The following DNAAF11 variants were observed in gnomAD, a reference collection of about 807,000 sequenced individuals.
The protein encoded by DNAAF11 is dynein axonemal assembly factor 11, also known as leucine rich repeat containing 6.
In DNAAF11, 45 loss-of-function variants were observed where a neutral mutation model predicts 60.8. That is an observed-to-expected ratio of 0.74 (90% CI 0.58 to 0.95). DNAAF11 has a LOEUF of 0.95. Ranked by LOEUF, DNAAF11 falls within the 40% of genes least tolerant of loss-of-function variation. DNAAF11 has a pLI of 0.00. For missense variants in DNAAF11, 546 were observed against 546.2 expected (o/e 1.00, Z 0.00); for synonymous variants, 191 against 183.5 (o/e 1.04, Z -0.33).
At chr8:132,604,040 A>G (rs955381796) in intron 10 of DNAAF11, among the ~76,000 whole-genome samples, 1 of 152,164 alleles carries the variant, frequency 6.6e-6, no homozygotes, top group African/African-American at 2.4e-5. Context: ...TGTGGAAATT[A>G]TCTTTTGAGG....
chr8:132,701,332 G>A, the DNAAF11 span, among the ~76,000 whole-genome samples: 1 of 152,202 alleles, frequency 6.6e-6, no homozygotes, highest in Non-Finnish European at 1.5e-5. Context: ...GAGGCACTGG[G>A]AATAGAGTAA....
intron 2 of DNAAF11, among the ~76,000 whole-genome samples, chr8:132,657,362 T>C (rs2130783093): frequency 6.6e-6 from 1 of 152,330 alleles, no homozygotes; most frequent in South Asian, 2.1e-4. Context: ...CTCTTTTTCC[T>C]GCTGGATGTT....
the DNAAF11 span, among the ~76,000 whole-genome samples, chr8:132,685,292 T>C: frequency 1.3e-5 from 2 of 152,222 alleles, no homozygotes; most frequent in Admixed American, 6.5e-5. Flanking sequence ...TGAATAGGGA[T>C]GTGAGTACAT....
chr8:132,584,056 G>T lies in DNAAF11; in HGVS notation c.1141-277C>A, dbSNP rs112816402. Among the ~76,000 whole-genome samples, 603 of 152,056 alleles carry T rather than the reference G, an allele frequency of 4.0e-3. 11 individuals are homozygous for T. Among genetic ancestry groups the T allele is most frequent in the African/African-American group, 0.014 (582 of 41,484 alleles). On this transcript the variant is annotated intron_variant, in intron 10 of 11. Transcript: ENST00000620350. ...ATTAATGTATTTAACAAATATTATCGACAAGACAACAACATGCCAGATACT... is the reference window on the plus strand; with the variant it reads ...ATTAATGTATTTAACAAATATTATCTACAAGACAACAACATGCCAGATACT...
chr8:132,675,577 C>A, upstream of DNAAF11: 2 of 1,382,296 alleles, frequency 1.4e-6, no homozygotes, highest in Non-Finnish European at 9.7e-7. Flanking sequence ...CTCCTCAGCG[C>A]GTCCCCGTCG....
At chr8:132,612,248 G>C (rs138764129) in intron 8 of DNAAF11, among the ~76,000 whole-genome samples, 2 of 152,270 alleles carry the variant, frequency 1.3e-5, no homozygotes, top group African/African-American at 4.8e-5. Flanking sequence ...AACATGTATA[G>C]TGCCCAGTAC....
chr8:132,583,350 T>C (rs981294448), intron 11 of DNAAF11, among the ~76,000 whole-genome samples: 6 of 152,138 alleles, frequency 3.9e-5, no homozygotes, highest in African/African-American at 1.4e-4. Context: ...AAACTGAGCA[T>C]AAAAATTATG....
Position 132,674,082 on chromosome 8 carries a change from C to A in DNAAF11, c.10+1402G>T, listed in dbSNP as rs1174438320. 1.3e-3 allele frequency among the ~76,000 whole-genome samples: 81 copies of A among 60,014 alleles called. 1 individual carries two copies. Among genetic ancestry groups the A allele is most frequent in the African/African-American group, 4.8e-3 (71 of 14,920 alleles). The allele number at this position is 60,014 out of a possible 152,430, so 39.4% of individuals were successfully genotyped here. ...GGAGGAGGAGCAGGAGGAGGAGGAGCAGGAGGAGGAGGAGCAGGAGGAGGA... is the reference window on the plus strand; with the variant it reads ...GGAGGAGGAGCAGGAGGAGGAGGAGAAGGAGGAGGAGGAGCAGGAGGAGGA... On this transcript the variant is annotated intron_variant, in intron 1 of 11. Coordinates refer to ENST00000620350, the MANE Select transcript of DNAAF11 (RefSeq NM_012472.6).
In DNAAF11 at chr8:132,638,105, A is replaced by G; in HGVS notation, c.259T>C (p.Cys87Arg). 6.2e-7 allele frequency: 1 copy of G among 1,611,858 alleles called. No individual in the cohort carries two copies. The highest frequency in any genetic ancestry group is 8.5e-7 in the Non-Finnish European group (1 of 1,179,302). The change falls in exon 4 of 12, where the codon TGT (cysteine) becomes CGT (arginine). Residue 87 changes from cysteine (C) to arginine (R), a missense_variant and splice_region_variant. Cys to Arg is a radical substitution (Grantham distance 180). Coordinates refer to ENST00000620350, the MANE Select transcript of DNAAF11 (RefSeq NM_012472.6). The stretch of plus-strand genomic sequence containing the variant: ...AGGTCAAGTTTTGCCAGCTCTTCAC[A>G]TCCTGTTGAGAAAAATAAAGTGAAA... ...NIEKIENLEG[C>R]EELAKLDLTV...
chr8:132,628,744 T>TGAA (rs1306061092), intron 5 of DNAAF11, among the ~76,000 whole-genome samples: 1 of 152,190 alleles, frequency 6.6e-6, no homozygotes, highest in African/African-American at 2.4e-5. Flanking sequence ...GTGAGAATGA[T>TGAA]GAAGACTCAA....
At chr8:132,605,158 C>T (rs1007760177) in intron 10 of DNAAF11, among the ~76,000 whole-genome samples, 4 of 152,076 alleles carry the variant, frequency 2.6e-5, no homozygotes, top group African/African-American at 7.2e-5. Context: ...GTCTGAATTA[C>T]TACTGATATC....
At chr8:132,675,745 C>T (rs563531829), upstream of DNAAF11, 6 of 411,574 alleles carry the variant, frequency 1.5e-5, no homozygotes, top group South Asian at 4.7e-4. Context: ...GTCCTCGTCG[C>T]ACTTCCGACT....
At chr8:132,624,405 T>C (rs908668729) in intron 6 of DNAAF11, among the ~76,000 whole-genome samples, 1 of 152,220 alleles carries the variant, frequency 6.6e-6, no homozygotes, top group African/African-American at 2.4e-5. Flanking sequence ...CCCAAAGGAC[T>C]GTGTAGTCCC....
chr8:132,678,910 G>C (rs1340797885), upstream of DNAAF11, among the ~76,000 whole-genome samples: 2 of 152,032 alleles, frequency 1.3e-5, no homozygotes, highest in African/African-American at 4.8e-5. Context: ...TTATATCTGT[G>C]GGACTCAAGT....
chr8:132,652,880 C>G (rs1563689507), intron 3 of DNAAF11, among the ~76,000 whole-genome samples: 1 of 151,706 alleles, frequency 6.6e-6, no homozygotes, highest in South Asian at 2.1e-4. Flanking sequence ...CCATGGCACG[C>G]GTATACCTAT....
chr8:132,589,388 G>C (rs1816236240), intron 10 of DNAAF11, among the ~76,000 whole-genome samples: 1 of 152,134 alleles, frequency 6.6e-6, no homozygotes, highest in Non-Finnish European at 1.5e-5. Flanking sequence ...TGAGAACTTT[G>C]CAGTGCTTTC....
In DNAAF11 at chr8:132,602,459, C is replaced by A. The variant is rs568604173; in HGVS notation, c.1140+7707G>T. On this transcript the variant is annotated intron_variant, in intron 10 of 11. Coordinates refer to ENST00000620350, the MANE Select transcript of DNAAF11 (RefSeq NM_012472.6). ...GGTTTAACAGAGAACTCTCTATTGG[C>A]CGCCTTCCCTTCCAGCATTCCCATA... Among the ~76,000 whole-genome samples the A allele has an allele frequency of 5.9e-5, 9 of 152,202 alleles. No individual in the cohort carries two copies. The South Asian group carries it at 1.9e-3, about 32-fold the overall frequency.
At chr8:132,692,050 C>T in the DNAAF11 span, among the ~76,000 whole-genome samples, 1 of 152,168 alleles carries the variant, frequency 6.6e-6, no homozygotes, top group Non-Finnish European at 1.5e-5. Context: ...AGAGACTCTT[C>T]TGGCTGCTAT....
intron 11 of DNAAF11, among the ~76,000 whole-genome samples, chr8:132,573,817 A>C (rs1242031547): frequency 2.6e-5 from 4 of 152,168 alleles, no homozygotes; most frequent in African/African-American, 9.7e-5. Context: ...GATCCTTCAC[A>C]CTATTTTGAC....
Sources: allele counts gnomAD v4.1 joint callset (sites outside exome capture counted in the v4.1 genomes callset), GRCh38; gene constraint gnomAD v4.1.1; transcripts MANE v1.5; gene names NCBI Gene and HGNC (gene_info 2026-07-23, HGNC 2026-07-21).